Variants in CSMD1 observed in about 807,000 individuals in gnomAD.
CSMD1 encodes the protein CUB and Sushi multiple domains 1, also known as CUB and sushi domain-containing protein 1.
CSMD1 carries 213 observed loss-of-function variants against 417.5 expected under a neutral mutation model. That is an observed-to-expected ratio of 0.51 (90% CI 0.46 to 0.57). CSMD1 has a LOEUF of 0.57. Ranked by LOEUF, CSMD1 falls within the 20% of genes least tolerant of loss-of-function variation. CSMD1 has a pLI of 0.00. For synonymous variants in CSMD1, 2,862 were observed against 1,736.8 expected (o/e 1.65, Z -16.11); for missense variants, 6,923 against 4,529.7 (o/e 1.53, Z -15.17).
intron 10 of CSMD1, among the ~76,000 whole-genome samples, chr8:3,518,765 C>T (rs950286724): frequency 2.0e-5 from 3 of 152,136 alleles, no homozygotes; most frequent in African/African-American, 7.2e-5. Context: ...ATTACATGCT[C>T]TGTTTGTTAG....
At chr8:4,862,861 G>A (rs1055485552) in intron 1 of CSMD1, among the ~76,000 whole-genome samples, 1 of 152,020 alleles carries the variant, frequency 6.6e-6, no homozygotes, top group African/African-American at 2.4e-5. Flanking sequence ...GTCTTAAGAT[G>A]TTCAGAAGTC....
chr8:3,291,805 G>C (rs1422774486), intron 25 of CSMD1, among the ~76,000 whole-genome samples: 3 of 152,006 alleles, frequency 2.0e-5, no homozygotes, highest in Admixed American at 6.6e-5. Flanking sequence ...TTTTTTAAGG[G>C]TTTTTTGCGT....
chr8:3,443,955 G>A (rs940324345), intron 12 of CSMD1, among the ~76,000 whole-genome samples: 2 of 152,094 alleles, frequency 1.3e-5, no homozygotes, highest in African/African-American at 4.8e-5. Flanking sequence ...TACTGAGAGC[G>A]GGGACACTGG....
chr8:3,961,268 C>T (rs1585038688), intron 5 of CSMD1, among the ~76,000 whole-genome samples: 1 of 152,070 alleles, frequency 6.6e-6, no homozygotes, highest in East Asian at 1.9e-4. Context: ...GAGTTATAAG[C>T]ATAAAAGTTA....
intron 2 of CSMD1, among the ~76,000 whole-genome samples, chr8:4,442,298 G>C (rs75066586): frequency 0.11 from 16,488 of 152,114 alleles, 1,193 homozygotes; most frequent in Admixed American, 0.2. Context: ...TTAAAAGTTA[G>C]AAAAGAAATG....
At position 3,404,013 on chromosome 8, in the gene CSMD1, T is replaced by C. The variant is rs574684126; in HGVS notation, c.2266+2014A>G. ...CTTCTTGTCCACCCACAAATTGTTT[T>C]AACAATGTATGAAAAGGGTGAACAT... On this transcript the variant is annotated intron_variant, in intron 15 of 69. Transcript: ENST00000635120. Among the ~76,000 whole-genome samples, 61 of 152,296 alleles carry C rather than the reference T, an allele frequency of 4.0e-4. 1 individual carries two copies. The South Asian group carries it at 7.5e-3, about 19-fold the overall frequency.
chr8:3,853,843 C>A (rs1379153631), intron 5 of CSMD1, among the ~76,000 whole-genome samples: 1 of 146,242 alleles, frequency 6.8e-6, no homozygotes, highest in African/African-American at 2.5e-5. Context: ...ACATTGTGCA[C>A]ATGTACCCTA....
chr8:4,362,243 T>C (rs1000191185), intron 3 of CSMD1, among the ~76,000 whole-genome samples: 1 of 152,124 alleles, frequency 6.6e-6, no homozygotes, highest in Non-Finnish European at 1.5e-5. Context: ...GACTTGTTTT[T>C]TCCATGAGAG....
At chr8:4,498,981 T>TA (rs919861073) in intron 2 of CSMD1, among the ~76,000 whole-genome samples, 7 of 152,000 alleles carry the variant, frequency 4.6e-5, no homozygotes, top group South Asian at 4.2e-4. Flanking sequence ...TCCTTAGAAT[T>TA]AAAAAAAAGT....
intron 3 of CSMD1, among the ~76,000 whole-genome samples, chr8:4,168,531 A>G (rs1797585418): frequency 6.6e-6 from 1 of 152,148 alleles, no homozygotes; most frequent in Admixed American, 6.6e-5. Context: ...TAAGTTACAG[A>G]CACAGAACAC....
Position 3,602,212 on chromosome 8 carries a change from C to T in CSMD1, c.1097+14498G>A, listed in dbSNP as rs368419265. 1.5e-3 allele frequency among the ~76,000 whole-genome samples: 221 copies of T among 152,256 alleles called. 1 individual carries two copies. Among genetic ancestry groups the T allele is most frequent in the African/African-American group, 5.0e-3 (206 of 41,540 alleles). On this transcript the variant is annotated intron_variant, in intron 8 of 69. Coordinates refer to ENST00000635120, the MANE Select transcript of CSMD1 (RefSeq NM_033225.6). ...AAAATCTTCATGACTGGTCCATCTT[C>T]CTGACCAATTAAACCAGAACCTTCG...
intron 1 of CSMD1, among the ~76,000 whole-genome samples, chr8:4,947,725 C>A (rs1207419952): frequency 6.6e-6 from 1 of 152,016 alleles, no homozygotes; most frequent in Admixed American, 6.6e-5. Context: ...AAGTTTGTAG[C>A]TGAGTTTGCT....
intron 2 of CSMD1, among the ~76,000 whole-genome samples, chr8:4,541,026 T>C (rs1170696628): frequency 1.3e-5 from 2 of 152,234 alleles, no homozygotes; most frequent in Admixed American, 6.5e-5. Context: ...TCATTTTACT[T>C]AGCAAAATGT....
intron 3 of CSMD1, among the ~76,000 whole-genome samples, chr8:4,171,918 G>A (rs984794158): frequency 1.3e-5 from 2 of 152,018 alleles, no homozygotes; most frequent in East Asian, 3.8e-4. Context: ...CATAAATTAT[G>A]TTTCTCGCAA....
chr8:4,930,368 C>T (rs58239948), intron 1 of CSMD1, among the ~76,000 whole-genome samples: 58 of 151,700 alleles, frequency 3.8e-4, no homozygotes, highest in African/African-American at 1.2e-3. Flanking sequence ...CATAGGTGCG[C>T]GCACACACAC....
intron 2 of CSMD1, among the ~76,000 whole-genome samples, chr8:4,479,138 A>C: frequency 6.6e-6 from 1 of 152,320 alleles, no homozygotes; most frequent in Non-Finnish European, 1.5e-5. Context: ...CAATTCTTTA[A>C]TAAGGTTAAT....
At chr8:3,414,522 G>T (rs73657861) in intron 12 of CSMD1, among the ~76,000 whole-genome samples, 1 of 151,840 alleles carries the variant, frequency 6.6e-6, no homozygotes, top group Non-Finnish European at 1.5e-5. Context: ...TCCTCTCATC[G>T]CTCCCCATGC....
intron 5 of CSMD1, among the ~76,000 whole-genome samples, chr8:3,923,350 T>G (rs1171730063): frequency 6.6e-6 from 1 of 152,204 alleles, no homozygotes; most frequent in South Asian, 2.1e-4. Context: ...ATACGTATAT[T>G]TTTTTCGCTT....
At chr8:4,412,595 G>A (rs1028216554) in intron 3 of CSMD1, among the ~76,000 whole-genome samples, 12 of 152,042 alleles carry the variant, frequency 7.9e-5, no homozygotes, top group Non-Finnish European at 1.5e-4. Flanking sequence ...CCTCACAAGT[G>A]GAATTTCTCT....
Sources: allele counts gnomAD v4.1 joint callset (sites outside exome capture counted in the v4.1 genomes callset), GRCh38; gene constraint gnomAD v4.1.1; transcripts MANE v1.5; gene names NCBI Gene and HGNC (gene_info 2026-07-23, HGNC 2026-07-21).